Variants in MTCL1 observed in about 807,000 individuals in gnomAD.
The protein encoded by MTCL1 is microtubule cross-linking factor 1.
MTCL1 carries 79 observed loss-of-function variants against 141.4 expected under a neutral mutation model. The observed-to-expected ratio is 0.56, with a 90% CI of 0.47 to 0.67. The LOEUF is 0.67. MTCL1 is among the 30% of genes least tolerant of loss of function. MTCL1 has a pLI of 0.00. For missense variants in MTCL1, 2,177 were observed against 2,113.9 expected, an observed-to-expected ratio of 1.03 and a Z score of -0.59; for synonymous variants, 914 against 875.8, an observed-to-expected ratio of 1.04 and a Z score of -0.77.
chr18:8,738,559 A>G (rs901617299), intron 4 of MTCL1, among the ~76,000 whole-genome samples: 2 of 152,248 alleles, frequency 1.3e-5, no homozygotes, highest in East Asian at 1.9e-4. Flanking sequence ...ACCTCATATG[A>G]TTAGCGGAGA....
intron 11 of MTCL1, among the ~76,000 whole-genome samples, chr18:8,808,089 T>C (rs1160259886): frequency 6.6e-6 from 1 of 151,824 alleles, no homozygotes; most frequent in Non-Finnish European, 1.5e-5. Context: ...GCAGTGATGC[T>C]GAGCTGATAG....
chr18:8,783,929 G>A, exon 6 of MTCL1: 1 of 1,613,592 alleles, frequency 6.2e-7, no homozygotes. Context: ...GTCCTCCACT[G>A]AGCTCCGCCG....
intron 5 of MTCL1, among the ~76,000 whole-genome samples, chr18:8,780,764 G>T (rs555245264): frequency 2.7e-4 from 41 of 152,316 alleles, no homozygotes; most frequent in Middle Eastern, 3.4e-3. Flanking sequence ...AAATTGAAAA[G>T]GTGCTTGTGT....
At chr18:8,718,539 G>T (rs758751392) in exon 3 of MTCL1, 1 of 1,614,196 alleles carries the variant, frequency 6.2e-7, no homozygotes, top group Non-Finnish European at 8.5e-7. Flanking sequence ...AATAAAAACT[G>T]CCGAATCCTG....
At chr18:8,803,683 A>G (rs1304526593) in intron 10 of MTCL1, among the ~76,000 whole-genome samples, 2 of 152,222 alleles carry the variant, frequency 1.3e-5, no homozygotes, top group Non-Finnish European at 1.5e-5. Flanking sequence ...CCCTTTGGCC[A>G]CCTTCACCCC....
intron 4 of MTCL1, among the ~76,000 whole-genome samples, chr18:8,740,042 A>G (rs2098068173): frequency 6.6e-6 from 1 of 152,222 alleles, no homozygotes; most frequent in African/African-American, 2.4e-5. Flanking sequence ...AGGAGATTGT[A>G]AAGAGGAAAA....
chr18:8,784,437 C>T lies in MTCL1; in HGVS notation c.1325C>T (p.Thr442Met), dbSNP rs140905139. The T allele has an allele frequency of 1.7e-4, 258 of 1,531,038 alleles. 1 individual carries two copies. In the South Asian group the frequency reaches 2.2e-3, roughly 13 times the overall value. The allele number at this position is 1,531,038 out of a possible 1,614,324, so 94.8% of individuals were successfully genotyped here. Residue 442 changes from threonine (T) to methionine (M), a missense_variant, in exon 6 of 17, where the codon ACG (threonine) becomes ATG (methionine). Transcript: ENST00000359865. ...TCGGAGGCCAGCGAGCCATGCCCCA[C>T]GGAGCTCCTGAAGGCCCGGGAGGAC...
Position 8,828,661 on chromosome 18 carries a change from C to A in MTCL1, c.4723-247C>A, listed in dbSNP as rs1394503089. On this transcript the variant is annotated intron_variant, in intron 15 of 16. Transcript: ENST00000359865. This position sits in a 1 kb window ranked among gnomAD's most constrained non-coding sequence, Gnocchi z 5.2. ...TGTGACTCCTCCATGGAGTTTCCTT[C>A]TTCTCTCTGGGCAGATGGCAGAGGG... 2.6e-5 allele frequency among the ~76,000 whole-genome samples: 4 copies of A among 152,202 alleles called. No homozygotes were observed. The highest frequency in any genetic ancestry group is 3.8e-4 in the East Asian group (2 of 5,196).
At chr18:8,764,145 G>C (rs1375376854) in intron 4 of MTCL1, among the ~76,000 whole-genome samples, 1 of 151,852 alleles carries the variant, frequency 6.6e-6, no homozygotes, top group African/African-American at 2.4e-5. Flanking sequence ...ATTAATAGTG[G>C]GTCTTTTTTT....
intron 4 of MTCL1, among the ~76,000 whole-genome samples, chr18:8,772,467 A>G (rs1415084667): frequency 1.3e-5 from 2 of 151,904 alleles, no homozygotes; most frequent in Non-Finnish European, 2.9e-5. Flanking sequence ...TAGATCATTT[A>G]TGAAAAGCCA....
chr18:8,756,754 A>G (rs2096403922), intron 4 of MTCL1, among the ~76,000 whole-genome samples: 1 of 152,172 alleles, frequency 6.6e-6, no homozygotes, highest in Non-Finnish European at 1.5e-5. Context: ...AGCATCTGGG[A>G]TGTGGCCAAA....
intron 7 of MTCL1, among the ~76,000 whole-genome samples, chr18:8,788,506 G>A (rs528095258): frequency 6.6e-5 from 10 of 152,346 alleles, no homozygotes; most frequent in African/African-American, 2.2e-4. Flanking sequence ...TTTGAGGAAA[G>A]AGGAAAGAAG....
intron 4 of MTCL1, among the ~76,000 whole-genome samples, chr18:8,732,189 A>G (rs1003650804): frequency 6.6e-6 from 1 of 151,872 alleles, no homozygotes; most frequent in East Asian, 1.9e-4. Context: ...GGCTCAAGGG[A>G]TCTTCCTGCC....
intron 11 of MTCL1, among the ~76,000 whole-genome samples, chr18:8,808,729 G>A (rs1380630666): frequency 1.3e-5 from 2 of 152,224 alleles, no homozygotes; most frequent in African/African-American, 2.4e-5. Context: ...CCAAGTCCAC[G>A]ATTCCTTCAG....
At chr18:8,814,324 C>T (rs2076582133) in intron 12 of MTCL1, among the ~76,000 whole-genome samples, 1 of 152,036 alleles carries the variant, frequency 6.6e-6, no homozygotes, top group Non-Finnish European at 1.5e-5. Context: ...GCCTGGGCGA[C>T]AGACCGAGAC....
chr18:8,710,875 C>CTTTTTTTTTTTTTTTTTTTTTTTTTTT (rs1221391279), intron 1 of MTCL1, among the ~76,000 whole-genome samples: 2 of 41,800 alleles, frequency 4.8e-5, no homozygotes, highest in African/African-American at 1.7e-4. Context: ...TTTCTTTTTT[C>CTTTTTTTTTTTTTTTTTTTTTTTTTTT]TTTTTTTTTT....
intron 7 of MTCL1, chr18:8,789,692 A>G (rs751540552): frequency 1.8e-5 from 18 of 985,366 alleles, no homozygotes; most frequent in East Asian, 1.1e-4. Flanking sequence ...AGGGAGATCA[A>G]GATGAATTTG....
exon 17 of MTCL1, chr18:8,831,734 C>T (rs1259152391): frequency 6.4e-7 from 1 of 1,550,570 alleles, no homozygotes; most frequent in East Asian, 2.4e-5. Flanking sequence ...CCTCAGTCAC[C>T]CGGAGACCCG....
chr18:8,749,857 T>TAA (rs1197288875), intron 4 of MTCL1, among the ~76,000 whole-genome samples: 5 of 152,012 alleles, frequency 3.3e-5, no homozygotes, highest in African/African-American at 1.2e-4. Flanking sequence ...TAAAACTGAG[T>TAA]TGTTGGGACC....
Sources: gnomAD v4.1 joint callset for allele counts (sites outside exome capture counted in the v4.1 genomes callset) on GRCh38, gnomAD v4.1.1 for gene constraint, Gnocchi (gnomAD v3.1) non-coding constraint, MANE v1.5 for transcripts, NCBI Gene and HGNC (gene_info 2026-07-23, HGNC 2026-07-21) for gene names.